KHDRBS2: variants seen among roughly 807,000 people sequenced by gnomAD.
The protein encoded by KHDRBS2 is KH domain-containing, RNA-binding, signal transduction-associated protein 2.
Under a neutral mutation model 44.3 loss-of-function variants are expected in KHDRBS2, and 26 were observed. That is an observed-to-expected ratio of 0.59 (90% CI 0.43 to 0.81). The LOEUF (loss-of-function observed/expected upper bound fraction) is 0.81, where lower values mean the gene tolerates loss of function less well. KHDRBS2 is among the 40% of genes least tolerant of loss of function. The probability of loss-of-function intolerance (pLI) is 0.00; values close to 1 mark genes in which losing one functional copy is unlikely to be tolerated. For synonymous variants in KHDRBS2, 194 were observed against 151.1 expected (o/e 1.28, Z -2.08); for missense variants, 476 against 433.1 (o/e 1.10, Z -0.88).
intron 6 of KHDRBS2, among the ~76,000 whole-genome samples, chr6:61,735,481 C>T (rs1478417722): frequency 6.6e-6 from 1 of 152,082 alleles, no homozygotes; most frequent in Non-Finnish European, 1.5e-5. Context: ...CTATTTTAAT[C>T]TTGCATAGCT....
chr6:61,787,378 C>A (rs1348753353), intron 6 of KHDRBS2, among the ~76,000 whole-genome samples: 1 of 151,660 alleles, frequency 6.6e-6, no homozygotes, highest in Non-Finnish European at 1.5e-5. Flanking sequence ...ACAGTTTCAA[C>A]TTTCTTGTAA....
At chr6:62,088,607 G>C (rs1798872805) in intron 2 of KHDRBS2, among the ~76,000 whole-genome samples, 1 of 152,142 alleles carries the variant, frequency 6.6e-6, no homozygotes, top group African/African-American at 2.4e-5. Context: ...CCAGATGCCA[G>C]CCAGAGCTCT....
intron 2 of KHDRBS2, among the ~76,000 whole-genome samples, chr6:62,051,350 G>A (rs1339179206): frequency 1.3e-5 from 2 of 151,808 alleles, no homozygotes; most frequent in Non-Finnish European, 2.9e-5. Flanking sequence ...TTACATTTAG[G>A]TCTCATCCGT....
At chr6:61,554,321 G>A in the KHDRBS2 span, among the ~76,000 whole-genome samples, 4 of 151,782 alleles carry the variant, frequency 2.6e-5, no homozygotes, top group African/African-American at 9.7e-5. Flanking sequence ...AATTAGAAGA[G>A]CAACCCCTGT....
intron 7 of KHDRBS2, among the ~76,000 whole-genome samples, chr6:61,710,858 T>C (rs953987169): frequency 2.9e-5 from 4 of 139,686 alleles, no homozygotes; most frequent in African/African-American, 5.4e-5. Flanking sequence ...ACATCTAGTA[T>C]GCATAAGCAT....
intron 3 of KHDRBS2, among the ~76,000 whole-genome samples, chr6:61,992,869 T>G (rs954308182): frequency 1.1e-4 from 16 of 152,292 alleles, no homozygotes; most frequent in African/African-American, 3.8e-4. Flanking sequence ...CTATCCTTTA[T>G]TTTTGTAAAC....
At chr6:62,005,643 GA>G (rs977965903) in intron 3 of KHDRBS2, among the ~76,000 whole-genome samples, 5 of 149,210 alleles carry the variant, frequency 3.4e-5, no homozygotes, top group African/African-American at 7.4e-5. Flanking sequence ...AAGTGAGTAT[GA>G]AAAAAAAATC....
the KHDRBS2 span, among the ~76,000 whole-genome samples, chr6:61,543,091 C>G: frequency 2.0e-5 from 3 of 151,794 alleles, no homozygotes; most frequent in Non-Finnish European, 2.9e-5. Context: ...GCACAGGCAA[C>G]CAAAGCAAAA....
the KHDRBS2 span, among the ~76,000 whole-genome samples, chr6:61,633,560 A>ACTT: frequency 2.0e-5 from 3 of 152,034 alleles, no homozygotes; most frequent in African/African-American, 7.2e-5. Context: ...CTACAGTAGC[A>ACTT]CTTTTTCTAT....
At chr6:61,880,441 G>A (rs2343669) in intron 6 of KHDRBS2, among the ~76,000 whole-genome samples, 64,296 of 151,598 alleles carry the variant, frequency 0.42, 13,835 homozygotes, top group Admixed American at 0.49. Flanking sequence ...TCTGTTGTCT[G>A]GATCTTAAGT....
chr6:61,789,224 A>G (rs931307310), intron 6 of KHDRBS2, among the ~76,000 whole-genome samples: 1 of 151,494 alleles, frequency 6.6e-6, no homozygotes, highest in East Asian at 1.9e-4. Context: ...CAATATTAGC[A>G]GAGCAGCATT....
At chr6:62,169,034 C>CATATATATATATATATATATATAT (rs369570219) in intron 2 of KHDRBS2, among the ~76,000 whole-genome samples, 39 of 72,552 alleles carry the variant, frequency 5.4e-4, no homozygotes, top group African/African-American at 1.3e-3. Context: ...GTTCTCCAGT[C>CATATATATATATATATATATATAT]ATATATATAT....
intron 3 of KHDRBS2, among the ~76,000 whole-genome samples, chr6:62,037,605 G>A (rs1584294721): frequency 6.6e-6 from 1 of 151,936 alleles, no homozygotes; most frequent in Non-Finnish European, 1.5e-5. Context: ...CAAATAGAGG[G>A]CATTACAAGC....
At chr6:62,068,643 T>C (rs1794299384) in intron 2 of KHDRBS2, among the ~76,000 whole-genome samples, 1 of 151,646 alleles carries the variant, frequency 6.6e-6, no homozygotes. Flanking sequence ...TATATTAAGA[T>C]CTATGATCCA....
At chr6:62,095,731 C>G (rs1800449938) in intron 2 of KHDRBS2, among the ~76,000 whole-genome samples, 4 of 151,870 alleles carry the variant, frequency 2.6e-5, no homozygotes, top group Non-Finnish European at 5.9e-5. Context: ...CCTGACTGCT[C>G]TGGCTAGAAC....
At chr6:62,138,714 G>C (rs529316997) in intron 2 of KHDRBS2, among the ~76,000 whole-genome samples, 1 of 152,198 alleles carries the variant, frequency 6.6e-6, no homozygotes, top group South Asian at 2.1e-4. Flanking sequence ...TAGAATTTAT[G>C]AACCCATTAT....
At chr6:62,105,893 C>T (rs997574580) in intron 2 of KHDRBS2, among the ~76,000 whole-genome samples, 2 of 152,064 alleles carry the variant, frequency 1.3e-5, no homozygotes, top group African/African-American at 4.8e-5. Flanking sequence ...TGGATCTTTC[C>T]TGCTTTCTCT....
the KHDRBS2 span, among the ~76,000 whole-genome samples, chr6:61,594,748 T>G: frequency 6.6e-6 from 1 of 152,128 alleles, no homozygotes; most frequent in African/African-American, 2.4e-5. Flanking sequence ...TACTATCTCT[T>G]TTTCAGATGC....
chr6:61,870,038 C>T lies in KHDRBS2; in HGVS notation c.810+24597G>A, dbSNP rs553361476. 5.3e-5 allele frequency among the ~76,000 whole-genome samples: 8 copies of T among 149,706 alleles called. 1 individual carries two copies. In the South Asian group the frequency reaches 1.3e-3, roughly 24 times the overall value. ...TGCCAGTGAGACAGAAGTGTTCCCT[C>T]CCCAGGAAAGGGGTGGGGCTGAAGC... On this transcript the variant is annotated intron_variant, in intron 6 of 8. Transcript: ENST00000281156.
Sources: gnomAD v4.1 joint callset for allele counts (sites outside exome capture counted in the v4.1 genomes callset) on GRCh38, gnomAD v4.1.1 for gene constraint, MANE v1.5 for transcripts, NCBI Gene and HGNC (gene_info 2026-07-23, HGNC 2026-07-21) for gene names.